Variants in NQO1 observed in about 807,000 individuals in gnomAD.
The protein encoded by NQO1 is NAD(P)H dehydrogenase [quinone] 1.
In NQO1, 30 loss-of-function variants were observed where a neutral mutation model predicts 32.1. The observed-to-expected ratio is 0.94, with a 90% confidence interval of 0.70 to 1.27. The LOEUF (loss-of-function observed/expected upper bound fraction) is 1.27, where lower values mean the gene tolerates loss of function less well. Ranked by LOEUF, NQO1 falls within the 50% of genes most tolerant of loss-of-function variation. The pLI, the probability that NQO1 is intolerant of heterozygous loss-of-function variation, is 0.00. For synonymous variants in NQO1, 109 were observed against 119.7 expected (o/e 0.91, Z 0.59); for missense variants, 276 against 331.3 (o/e 0.83, Z 1.30).
chr16:69,711,186 C>G lies in NQO1; in HGVS notation c.615G>C (p.Leu205=), dbSNP rs1159991523. ...HTPADARIQI[L]EGWKKRLENI... ...TCTCCAGGCGTTTCTTCCATCCTTC[C>G]AGGATTTGAATTCGGGCGTCTGCTG... Residue 205 remains leucine, a synonymous_variant, in exon 6 of 6, where the codon CTG becomes CTC. Coordinates refer to ENST00000320623, the MANE Select transcript of NQO1 (RefSeq NM_000903.3). 3.7e-6 allele frequency: 6 copies of G among 1,614,046 alleles called. No homozygotes were observed. In the African/African-American group the frequency reaches 5.3e-5, roughly 14 times the overall value.
At chr16:69,726,402 C>G (rs1301110175) in intron 1 of NQO1, 31 bp downstream of exon 1, 3 of 1,611,176 alleles carry the variant, frequency 1.9e-6, no homozygotes, top group African/African-American at 2.7e-5. Context: ...GAGAGACGAC[C>G]GCCAAGCACC....
intron 3 of NQO1, among the ~76,000 whole-genome samples, chr16:69,716,623 A>G (rs1211781270): frequency 6.6e-6 from 1 of 152,144 alleles, no homozygotes; most frequent in Non-Finnish European, 1.5e-5. Flanking sequence ...ATAAAAGCAG[A>G]GTAAGGACTA....
intron 4 of NQO1, among the ~76,000 whole-genome samples, chr16:69,714,502 C>G (rs1307830283): frequency 2.0e-5 from 3 of 151,846 alleles, no homozygotes; most frequent in East Asian, 3.9e-4. Flanking sequence ...TCCCAAACAT[C>G]ATGTCATTCC....
chr16:69,710,907 A>AAGTC lies in NQO1; in HGVS notation c.*65_*68dup. 1 of 1,477,620 alleles carries AAGTC rather than the reference A, an allele frequency of 6.8e-7. No homozygotes were observed. 91.5% of individuals were successfully genotyped at this position (1,477,620 alleles called of 1,614,324 possible). A position where few individuals can be genotyped will look rare whatever the true frequency, so the allele number is the denominator to read the frequency against. ...AAACACAAATCTTAAAAACTAAAGC[A>AAGTC]AGTCAGGGAAGCCTGGAAAGATACC... On this transcript the variant is annotated 3_prime_UTR_variant, in exon 6 of 6. Transcript: ENST00000320623.
intron 1 of NQO1, among the ~76,000 whole-genome samples, chr16:69,720,182 AC>A (rs1444576184): frequency 6.6e-6 from 1 of 151,800 alleles, no homozygotes; most frequent in Non-Finnish European, 1.5e-5. Context: ...GATCACTTGA[AC>A]CCAGGAGGTT....
intron 1 of NQO1, among the ~76,000 whole-genome samples, chr16:69,725,866 C>T (rs2038254424): frequency 7.5e-6 from 1 of 133,654 alleles, no homozygotes; most frequent in Admixed American, 8.4e-5. Flanking sequence ...AAGAGCAAAA[C>T]TCCGTCTCAA....
At chr16:69,720,651 A>G (rs1442721353) in intron 1 of NQO1, among the ~76,000 whole-genome samples, 2 of 147,636 alleles carry the variant, frequency 1.4e-5, no homozygotes, top group Non-Finnish European at 3.0e-5. Flanking sequence ...CTGCCTCAGC[A>G]TCCCCAGTAG....
chr16:69,725,272 T>G (rs2038245864), intron 1 of NQO1, among the ~76,000 whole-genome samples: 1 of 152,200 alleles, frequency 6.6e-6, no homozygotes, highest in South Asian at 2.1e-4. Context: ...TACAGGCGCA[T>G]TTTTAGAGGC....
chr16:69,709,536 G>A lies in NQO1; in HGVS notation c.*1440C>T, dbSNP rs528444745. On this transcript the variant is annotated 3_prime_UTR_variant, in exon 6 of 6. Transcript: ENST00000320623. Reference sequence around the variant, plus strand: ...GCCGTCAGCTATTGTGGATACTGTCGAGAGCAAAAACCACCAGTGCCAGTC... The same window carrying A: ...GCCGTCAGCTATTGTGGATACTGTCAAGAGCAAAAACCACCAGTGCCAGTC... 2.2e-4 allele frequency: 83 copies of A among 380,758 alleles called. No homozygotes were observed. Among genetic ancestry groups the A allele is most frequent in the African/African-American group, 1.5e-3 (73 of 48,392 alleles). The allele number at this position is 380,758 out of a possible 1,614,324, so 23.6% of individuals were successfully genotyped here. A position where few individuals can be genotyped will look rare whatever the true frequency, so the allele number is the denominator to read the frequency against.
Position 69,718,530 on chromosome 16 carries a change from T to C in NQO1, c.12A>G (p.Arg4=). 1 of 1,613,654 alleles carries C rather than the reference T, an allele frequency of 6.2e-7. No individual in the cohort carries two copies. The highest frequency in any genetic ancestry group is 1.1e-5 in the South Asian group (1 of 91,048). The change falls in exon 2 of 6, where the codon AGA becomes AGG. Residue 4 remains arginine (R), a synonymous_variant. Transcript: ENST00000320623. MVG[R]RALIVLAHSE... Reference sequence around the variant, plus strand: ...AGTGAGCCAGTACGATCAGTGCTCTTCTGCCTACAGAGACACACACAAAGC... The same window carrying C: ...AGTGAGCCAGTACGATCAGTGCTCTCCTGCCTACAGAGACACACACAAAGC...
At chr16:69,722,106 C>G (rs894620653) in intron 1 of NQO1, among the ~76,000 whole-genome samples, 1 of 149,596 alleles carries the variant, frequency 6.7e-6, no homozygotes, top group Non-Finnish European at 1.5e-5. Flanking sequence ...TACTTCATAC[C>G]CTACCATGAA....
chr16:69,714,232 C>T (rs908354646), intron 4 of NQO1, among the ~76,000 whole-genome samples: 4 of 150,964 alleles, frequency 2.6e-5, no homozygotes, highest in Non-Finnish European at 5.9e-5. Flanking sequence ...TGCAGTGGCG[C>T]GATCTTGGCT....
chr16:69,709,632 C>T lies in NQO1; in HGVS notation c.*1344G>A. 1.0e-5 allele frequency: 4 copies of T among 395,190 alleles called. No homozygotes were observed. The highest frequency in any genetic ancestry group is 1.8e-5 in the Non-Finnish European group (4 of 224,400). 24.5% of individuals were successfully genotyped at this position (395,190 alleles called of 1,614,324 possible). ...TTTCTTGGCAAGTAAGAGGCTGTCT[C>T]CCATTTTTCAGGCAACCTTTTCATC... On this transcript the variant is annotated 3_prime_UTR_variant, in exon 6 of 6. Transcript: ENST00000320623.
chr16:69,718,103 C>T lies in NQO1; in HGVS notation c.303+20G>A, dbSNP rs34755915. The T allele has an allele frequency of 0.013, 20,727 of 1,613,700 alleles. 193 individuals are homozygous for T. The highest frequency in any genetic ancestry group is 0.016 in the Non-Finnish European group (19,007 of 1,179,748). The stretch of plus-strand genomic sequence containing the variant: ...AAGCACGCAAATGTCCCTGACACCC[C>T]TTCCGATGTCCCCCCATACCTGGAA... On this transcript the variant is annotated intron_variant, in intron 3 of 5. Transcript: ENST00000320623.
At position 69,711,134 on chromosome 16, in the gene NQO1, A is replaced by C; in HGVS notation, c.667T>G (p.Phe223Val). 1 of 1,614,132 alleles carries C rather than the reference A, an allele frequency of 6.2e-7. No homozygotes were observed. The highest frequency in any genetic ancestry group is 8.5e-7 in the Non-Finnish European group (1 of 1,180,022). Residue 223 changes from phenylalanine (F) to valine (V), a missense_variant, in exon 6 of 6, where the codon TTT becomes GTT. Physicochemically the swap from Phe to Val is conservative, Grantham distance 50. Coordinates refer to ENST00000320623, the MANE Select transcript of NQO1 (RefSeq NM_000903.3). ...AGGTCAAAGAGGCTGCTTGGAGCAA[A>C]ATACAGTGGTGTCTCATCCCAAATA... The part of the protein sequence containing the change: ...ENIWDETPLY[F>V]APSSLFDLNF...
intron 3 of NQO1, among the ~76,000 whole-genome samples, chr16:69,716,396 G>A (rs2038113773): frequency 6.6e-6 from 1 of 151,780 alleles, no homozygotes; most frequent in Non-Finnish European, 1.5e-5. Context: ...GGAGGCTGAG[G>A]CAGGAAAATG....
At chr16:69,716,167 A>AAATAATAAT (rs751455910) in intron 3 of NQO1, among the ~76,000 whole-genome samples, 7 of 148,662 alleles carry the variant, frequency 4.7e-5, no homozygotes, top group African/African-American at 1.5e-4. Flanking sequence ...CTCCATCTCT[A>AAATAATAAT]AATAATAATA....
intron 1 of NQO1, among the ~76,000 whole-genome samples, chr16:69,723,718 C>T (rs903203648): frequency 3.3e-5 from 5 of 152,064 alleles, no homozygotes; most frequent in African/African-American, 1.2e-4. Flanking sequence ...AGGAGAATTG[C>T]TTGAATCCAG....
rs187441930 is a variant in NQO1, at chr16:69,718,107, C to T, written c.303+16G>A. On this transcript the variant is annotated intron_variant, in intron 3 of 5. Transcript: ENST00000320623. ...ACGCAAATGTCCCTGACACCCCTTC[C>T]GATGTCCCCCCATACCTGGAATATC... 5.4e-5 allele frequency: 87 copies of T among 1,613,754 alleles called. No homozygotes were observed. The highest frequency in any genetic ancestry group is 4.8e-4 in the African/African-American group (36 of 75,040).
Sources: gnomAD v4.1 joint callset for allele counts (sites outside exome capture counted in the v4.1 genomes callset) on GRCh38, gnomAD v4.1.1 for gene constraint, MANE v1.5 for transcripts, NCBI Gene and HGNC (gene_info 2026-07-23, HGNC 2026-07-21) for gene names.